The following ZMIZ1 variants were observed in gnomAD, a reference collection of about 807,000 sequenced individuals.
ZMIZ1 encodes zinc finger MIZ domain-containing protein 1.
A neutral mutation model predicts 113.9 loss-of-function variants in ZMIZ1; 17 were observed. The observed-to-expected ratio is 0.15, with a 90% CI of 0.10 to 0.22. The LOEUF (loss-of-function observed/expected upper bound fraction) is 0.22, where lower values mean the gene tolerates loss of function less well. Among genes scored for constraint, ZMIZ1 ranks in the 10% least tolerant of loss-of-function variants. The pLI, the probability that ZMIZ1 is intolerant of heterozygous loss-of-function variation, is 1.00. For synonymous variants in ZMIZ1, 607 were observed against 603.1 expected, an observed-to-expected ratio of 1.01 and a Z score of -0.09; for missense variants, 1,059 against 1,477.8, an observed-to-expected ratio of 0.72 and a Z score of 4.65.
chr10:79,206,203 G>A (rs1209383085), intron 5 of ZMIZ1, among the ~76,000 whole-genome samples: 1 of 152,184 alleles, frequency 6.6e-6, no homozygotes, highest in Non-Finnish European at 1.5e-5. Flanking sequence ...TCTGGGGTGA[G>A]CTCTGAACGC....
At chr10:79,093,278 C>T (rs1843048522) in intron 1 of ZMIZ1, among the ~76,000 whole-genome samples, 1 of 149,782 alleles carries the variant, frequency 6.7e-6, no homozygotes. Flanking sequence ...GACTGCTGTA[C>T]CCCAGTTTTA....
chr10:79,128,878 G>A (rs1844630821), intron 2 of ZMIZ1, among the ~76,000 whole-genome samples: 1 of 152,166 alleles, frequency 6.6e-6, no homozygotes, highest in Admixed American at 6.5e-5. Context: ...GAGAGCCTGG[G>A]CGTGCTTAAC....
intron 11 of ZMIZ1, 55 bp downstream of exon 11, chr10:79,292,411 C>T (rs1306510798): frequency 1.2e-5 from 19 of 1,571,718 alleles, no homozygotes; most frequent in Non-Finnish European, 1.6e-5. Context: ...AGGCAGACAG[C>T]CCTGGGAAAC....
chr10:79,157,248 G>A (rs1376546194), intron 3 of ZMIZ1, among the ~76,000 whole-genome samples: 1 of 152,214 alleles, frequency 6.6e-6, no homozygotes, highest in African/African-American at 2.4e-5. Flanking sequence ...GGATTGTGCT[G>A]AGGATGGAGT....
At chr10:79,114,767 C>G (rs1414229761) in intron 1 of ZMIZ1, among the ~76,000 whole-genome samples, 1 of 152,000 alleles carries the variant, frequency 6.6e-6, no homozygotes, top group African/African-American at 2.4e-5. Context: ...ATCTCCCCTC[C>G]CCCTGACATC....
At chr10:79,307,369 G>T in intron 22 of ZMIZ1, 36 bp from the exon 23 acceptor site, 3 of 1,602,774 alleles carry the variant, frequency 1.9e-6, no homozygotes, top group Non-Finnish European at 2.6e-6. Flanking sequence ...ATCCCTCTGG[G>T]TGACCCCCTC....
chr10:79,306,470 TC>T (rs1564605520), intron 22 of ZMIZ1, 126 bp downstream of exon 22: 1 of 1,455,684 alleles, frequency 6.9e-7, no homozygotes, highest in African/African-American at 1.4e-5. Flanking sequence ...AAGTAACACA[TC>T]CCCCAAAAAA....
chr10:79,172,923 A>C (rs760561490), intron 4 of ZMIZ1, among the ~76,000 whole-genome samples: 4 of 152,224 alleles, frequency 2.6e-5, no homozygotes, highest in Non-Finnish European at 5.9e-5. Context: ...TTTGGTGCCC[A>C]GCAGTTTGAT....
At chr10:79,231,495 C>T (rs898311199) in intron 7 of ZMIZ1, among the ~76,000 whole-genome samples, 12 of 152,150 alleles carry the variant, frequency 7.9e-5, no homozygotes, top group East Asian at 3.9e-4. Context: ...CTGCCCGCCT[C>T]GGCCTCCCAA....
At chr10:79,109,381 G>A (rs112552468) in intron 1 of ZMIZ1, among the ~76,000 whole-genome samples, 1,778 of 152,252 alleles carry the variant, frequency 0.012, 32 homozygotes, top group African/African-American at 0.04. Flanking sequence ...GGTGCCCAGC[G>A]TGGCTGGGCT....
At chr10:79,195,848 C>A (rs964765123) in intron 4 of ZMIZ1, among the ~76,000 whole-genome samples, 2 of 152,164 alleles carry the variant, frequency 1.3e-5, no homozygotes, top group African/African-American at 4.8e-5. Flanking sequence ...AATCTCAGCC[C>A]AGCAGCTTTC....
intron 4 of ZMIZ1, among the ~76,000 whole-genome samples, chr10:79,183,084 C>G (rs1262258667): frequency 2.6e-5 from 4 of 152,218 alleles, no homozygotes; most frequent in Non-Finnish European, 1.5e-5. Context: ...GGCACCCAAT[C>G]CCAGGAGTGG....
At chr10:79,180,542 C>T (rs891770951) in intron 4 of ZMIZ1, among the ~76,000 whole-genome samples, 15 of 152,208 alleles carry the variant, frequency 9.9e-5, no homozygotes, top group African/African-American at 1.7e-4. Flanking sequence ...TAGGCCCTGC[C>T]GCCCCTTTGC....
At position 79,313,061 on chromosome 10, in the gene ZMIZ1, T is replaced by C. The variant is rs1855303928; in HGVS notation, c.*312T>C. 5 of 385,722 alleles carry C rather than the reference T, an allele frequency of 1.3e-5. No homozygotes were observed. The highest frequency in any genetic ancestry group is 1.9e-5 in the Non-Finnish European group (4 of 210,388). 23.9% of individuals were successfully genotyped at this position (385,722 alleles called of 1,614,324 possible). A position where few individuals can be genotyped will look rare whatever the true frequency, so the allele number is the denominator to read the frequency against. On this transcript the variant is annotated 3_prime_UTR_variant, in exon 25 of 25. Transcript: ENST00000334512. ...AGCCCGGTAAGAGGGCACACGCTGA[T>C]GCGGCTTCCCGGTCCCTCCGCGTGT...
intron 4 of ZMIZ1, among the ~76,000 whole-genome samples, chr10:79,179,923 T>C (rs897062196): frequency 3.3e-5 from 5 of 152,174 alleles, no homozygotes; most frequent in African/African-American, 7.2e-5. Context: ...GCCACCACCC[T>C]CTCTCAGAGG....
intron 3 of ZMIZ1, among the ~76,000 whole-genome samples, chr10:79,160,172 G>C (rs553730857): frequency 6.6e-6 from 1 of 152,246 alleles, no homozygotes; most frequent in African/African-American, 2.4e-5. Flanking sequence ...GGCAAACGCT[G>C]CCTGTCTCTG....
intron 4 of ZMIZ1, among the ~76,000 whole-genome samples, chr10:79,171,455 T>A (rs1846596743): frequency 6.6e-6 from 1 of 152,224 alleles, no homozygotes; most frequent in South Asian, 2.1e-4. Context: ...CCTTCAGGCC[T>A]CTGCGCAAGT....
At chr10:79,108,731 A>G (rs1843639658) in intron 1 of ZMIZ1, among the ~76,000 whole-genome samples, 1 of 152,112 alleles carries the variant, frequency 6.6e-6, no homozygotes, top group Non-Finnish European at 1.5e-5. Context: ...TCCCAGGGAC[A>G]GTGATATAAA....
chr10:79,128,593 T>C (rs1373047542), intron 2 of ZMIZ1, among the ~76,000 whole-genome samples: 1 of 128,826 alleles, frequency 7.8e-6, no homozygotes, highest in Non-Finnish European at 1.6e-5. Context: ...TTTCTCTTGC[T>C]GTGTAAATAG....
Sources: gnomAD v4.1 joint callset for allele counts (sites outside exome capture counted in the v4.1 genomes callset) on GRCh38, gnomAD v4.1.1 for gene constraint, MANE v1.5 for transcripts, NCBI Gene and HGNC (gene_info 2026-07-23, HGNC 2026-07-21) for gene names.